GATA3: variants seen among roughly 807,000 people sequenced by gnomAD.
The protein encoded by GATA3 is trans-acting T-cell-specific transcription factor GATA-3.
GATA3 carries 6 observed loss-of-function variants against 36.0 expected under a neutral mutation model. That is an observed-to-expected ratio of 0.17 (90% CI 0.09 to 0.33). GATA3 has a LOEUF of 0.33. GATA3 is among the 10% of genes least tolerant of loss of function. The probability of loss-of-function intolerance (pLI) is 1.00; values close to 1 mark genes in which losing one functional copy is unlikely to be tolerated. For synonymous variants in GATA3, 326 were observed against 273.0 expected (o/e 1.19, Z -1.92); for missense variants, 514 against 610.1 (o/e 0.84, Z 1.66).
chr10:8,050,821 C>A (rs983376386), upstream of GATA3: 3 of 396,844 alleles, frequency 7.6e-6, no homozygotes, highest in East Asian at 7.4e-5. Context: ...CCGCCCCGGG[C>A]GGCCCGAGGC....
upstream of GATA3, chr10:8,051,355 G>A (rs477691): frequency 0.035 from 8,653 of 246,722 alleles, 781 homozygotes; most frequent in African/African-American, 0.19. Context: ...CGACCCGCAC[G>A]CCGCCCCGGG....
At chr10:8,066,904 T>C (rs1346459244) in intron 4 of GATA3, among the ~76,000 whole-genome samples, 4 of 152,212 alleles carry the variant, frequency 2.6e-5, no homozygotes, top group Non-Finnish European at 5.9e-5. Context: ...GATTACATGC[T>C]GTACCTTGTC....
At chr10:8,059,802 A>G (rs780635587) in intron 3 of GATA3, among the ~76,000 whole-genome samples, 6 of 152,248 alleles carry the variant, frequency 3.9e-5, no homozygotes, top group Non-Finnish European at 7.3e-5. Flanking sequence ...TAATTGAGTC[A>G]AAAGAGAGCT....
intron 3 of GATA3, among the ~76,000 whole-genome samples, chr10:8,061,762 A>G (rs1832752444): frequency 6.6e-6 from 1 of 152,030 alleles, no homozygotes; most frequent in Admixed American, 6.5e-5. Context: ...CCTCCCCACC[A>G]CCCTGCAAAT....
At chr10:8,050,053 C>A (rs1168662504), upstream of GATA3, among the ~76,000 whole-genome samples, 1 of 152,188 alleles carries the variant, frequency 6.6e-6, no homozygotes, top group African/African-American at 2.4e-5. Flanking sequence ...GCCCTCGCCC[C>A]GCTTTCATCT....
intron 5 of GATA3, among the ~76,000 whole-genome samples, chr10:8,073,094 G>A (rs1250187373): frequency 1.4e-5 from 2 of 140,748 alleles, no homozygotes; most frequent in Non-Finnish European, 3.0e-5. Flanking sequence ...GCAGTGAGCC[G>A]AGATCGCGCC....
At chr10:8,050,729 A>G (rs1302324567), upstream of GATA3, 1 of 266,678 alleles carries the variant, frequency 3.7e-6, no homozygotes, top group African/African-American at 2.4e-5. Context: ...TTCTGCCTGC[A>G]AATATTTGCT....
chr10:8,071,301 A>G (rs1832927442), intron 5 of GATA3, among the ~76,000 whole-genome samples: 1 of 152,228 alleles, frequency 6.6e-6, no homozygotes, highest in Non-Finnish European at 1.5e-5. Flanking sequence ...CAGTGTCAGA[A>G]CTAAGAGGAG....
chr10:8,052,793 G>C (rs980050084), upstream of GATA3: 2 of 151,706 alleles, frequency 1.3e-5, no homozygotes, highest in African/African-American at 2.4e-5. Context: ...GGGCAGCCTG[G>C]CTGGCCCAGG....
rs1241255776 is a variant in GATA3 at position 8,058,323 on chromosome 10, C to G, written c.260C>G (p.Pro87Arg). The G allele has an allele frequency of 1.2e-6, 2 of 1,613,460 alleles. No homozygotes were observed. Among genetic ancestry groups the G allele is most frequent in the African/African-American group, 2.7e-5 (2 of 74,914 alleles). The change falls in exon 3 of 6, where the codon CCG (proline) becomes CGG (arginine). Residue 87 changes from proline to arginine, a missense_variant. By Grantham distance (103) the Pro-to-Arg change is moderately radical. This residue lies in a region of GATA3 where 381 missense variants were observed against 354.3 expected (regional missense o/e 1.08). Transcript: ENST00000379328. Reference protein sequence around the residue: ...PTHHGSQVCRPPLLHGSLPWL... With the variant: ...PTHHGSQVCRRPLLHGSLPWL... ...CCCACAGGGAGCCAGGTGTGCCGCC[C>G]GCCTCTGCTTCATGGATCCCTACCC... is the stretch of plus-strand genomic sequence containing the variant.
chr10:8,048,598 C>T (rs1342221175), intron 1 of GATA3, among the ~76,000 whole-genome samples: 2 of 152,284 alleles, frequency 1.3e-5, no homozygotes, highest in African/African-American at 2.4e-5. Flanking sequence ...CTTTTCCTCC[C>T]GTGGCACCCA....
chr10:8,070,060 G>A (rs920623776), intron 5 of GATA3, among the ~76,000 whole-genome samples: 5 of 152,170 alleles, frequency 3.3e-5, no homozygotes, highest in African/African-American at 1.2e-4. Flanking sequence ...TTACTGAGAG[G>A]TAAAAAGTCT....
intron 1 of GATA3, among the ~76,000 whole-genome samples, chr10:8,046,439 A>G (rs1409725266): frequency 1.3e-5 from 2 of 152,028 alleles, no homozygotes; most frequent in Non-Finnish European, 2.9e-5. Context: ...CCTATTGTCC[A>G]TGCTCACCAG....
chr10:8,061,167 G>T (rs1297410197), intron 3 of GATA3, among the ~76,000 whole-genome samples: 1 of 152,134 alleles, frequency 6.6e-6, no homozygotes, highest in African/African-American at 2.4e-5. Flanking sequence ...TTTTGGGGTT[G>T]TCGCTGGAAA....
chr10:8,063,563 G>A (rs1026670278), intron 3 of GATA3, among the ~76,000 whole-genome samples: 1 of 152,166 alleles, frequency 6.6e-6, no homozygotes, highest in Non-Finnish European at 1.5e-5. Context: ...GACCCATGAT[G>A]ATAATGGGTC....
In GATA3 at chr10:8,075,109, C is replaced by T. The variant is rs974618819; in HGVS notation, c.*1086C>T. 4.7e-5 allele frequency: 11 copies of T among 232,834 alleles called. No homozygotes were observed. The highest frequency in any genetic ancestry group is 6.8e-5 in the Non-Finnish European group (8 of 117,850). 14.4% of individuals were successfully genotyped at this position (232,834 alleles called of 1,614,324 possible). On this transcript the variant is annotated 3_prime_UTR_variant, in exon 6 of 6. Coordinates refer to ENST00000379328, the MANE Select transcript of GATA3 (RefSeq NM_001002295.2). ...CGGCCCGGCTGCCTCTTCGCCCTGT[C>T]GTGTTCTGTGTTAGTGATCACTGCC...
chr10:8,064,305 CTTCTTCTT>C (rs1564401594), intron 4 of GATA3, among the ~76,000 whole-genome samples, 167 bp downstream of exon 4: 37 of 87,994 alleles, frequency 4.2e-4, no homozygotes, highest in Admixed American at 3.0e-3. Context: ...TTCTTTTCTT[CTTCTTCTT>C]TTTTTTTTTT....
chr10:8,061,519 G>A (rs543357099), intron 3 of GATA3, among the ~76,000 whole-genome samples: 1 of 152,320 alleles, frequency 6.6e-6, no homozygotes, highest in South Asian at 2.1e-4. Flanking sequence ...GCAGGGGTGA[G>A]GAGAGGGGAG....
At chr10:8,058,258 A>G in intron 2 of GATA3, 47 bp from the exon 3 acceptor site, 1 of 1,603,820 alleles carries the variant, frequency 6.2e-7, no homozygotes, top group Non-Finnish European at 8.5e-7. Flanking sequence ...TCCCAGGGCC[A>G]CACTCACCCT....
Sources: gnomAD v4.1 joint callset for allele counts (sites outside exome capture counted in the v4.1 genomes callset) on GRCh38, gnomAD v4.1.1 for gene constraint, gnomAD v4.1.1 regional missense constraint, MANE v1.5 for transcripts, NCBI Gene and HGNC (gene_info 2026-07-23, HGNC 2026-07-21) for gene names.